The following DEXI variants were observed in gnomAD, a reference collection of about 807,000 sequenced individuals.
DEXI encodes Dexi homolog.
Under a neutral mutation model 2.5 loss-of-function variants are expected in DEXI, and 2 were observed. The observed-to-expected ratio is 0.81, with a 90% CI of 0.33 to 2.55. The LOEUF (loss-of-function observed/expected upper bound fraction) is 2.55. DEXI is among the 30% of genes most tolerant of loss of function. The pLI, the probability that DEXI is intolerant of heterozygous loss-of-function variation, is 0.11. For synonymous variants in DEXI, 71 were observed against 68.7 expected, an observed-to-expected ratio of 1.03 and a Z score of -0.17; for missense variants, 108 against 130.3, an observed-to-expected ratio of 0.83 and a Z score of 0.83.
chr16:10,929,192 C>T lies in DEXI; in HGVS notation c.*517G>A. 2.0e-6 allele frequency: 2 copies of T among 985,368 alleles called. No individual in the cohort carries two copies. Among genetic ancestry groups the T allele is most frequent in the Non-Finnish European group, 2.4e-6 (2 of 829,554 alleles). 61.0% of individuals were successfully genotyped at this position (985,368 alleles called of 1,614,324 possible). ...TCTAAGACCAGCCTCGGGCTAAACC[C>T]AGCTGGCCTGAAGGCTCAACTCACA... On this transcript the variant is annotated 3_prime_UTR_variant, in exon 2 of 2. Coordinates refer to ENST00000331808, the MANE Select transcript of DEXI (RefSeq NM_014015.4). This position sits in a 1 kb window ranked among gnomAD's most constrained non-coding sequence, Gnocchi z 4.3.
chr16:10,941,924 T>C lies in DEXI; in HGVS notation c.82A>G (p.Met28Val), dbSNP rs767543213. Residue 28 changes from methionine (M) to valine (V), a missense_variant, in exon 1 of 2, where the codon ATG becomes GTG. Physicochemically the swap from Met to Val is conservative, Grantham distance 21. Transcript: ENST00000331808. This position sits in a 1 kb window ranked among gnomAD's most constrained non-coding sequence, Gnocchi z 6.4. ...ACGAAGAACAGGCCCACGTAGAACA[T>C]AGAGGGCAGCAGCGGCGGCGGCACG... Reference protein sequence around the residue: ...PYVPPPLLPSMFYVGLFFVNV... With the variant: ...PYVPPPLLPSVFYVGLFFVNV... 6.9e-6 allele frequency: 11 copies of C among 1,601,402 alleles called. No homozygotes were observed. Among genetic ancestry groups the C allele is most frequent in the East Asian group, 2.2e-5 (1 of 44,526 alleles).
intron 1 of DEXI, chr16:10,931,306 CA>C (rs1439925114): frequency 3.9e-5 from 6 of 152,392 alleles, no homozygotes; most frequent in Middle Eastern, 3.3e-3. Context: ...GACCCTGTCT[CA>C]AAAAAAAGAG....
chr16:10,942,165 C>T lies in DEXI; in HGVS notation c.-160G>A. On this transcript the variant is annotated 5_prime_UTR_variant, in exon 1 of 2. Transcript: ENST00000331808. This position sits in a 1 kb window ranked among gnomAD's most constrained non-coding sequence, Gnocchi z 5.0. ...ATGTCCCCTGGCAATTGCGCCCCGA[C>T]CCCCGAAATGCGCCGGGCGGGTCAC... 1.8e-6 allele frequency: 1 copy of T among 549,020 alleles called. No homozygotes were observed. The allele number at this position is 549,020 out of a possible 1,614,324, so 34.0% of individuals were successfully genotyped here.
rs113555654 is a variant in DEXI at position 10,938,068 on chromosome 16, C to T, written c.*149+3501G>A. ...AAGGGCATGGGTATAACACGCTTTC[C>T]ATTGTATCCGACTATGAATATGAGT... On this transcript the variant is annotated intron_variant, in intron 1 of 1. Coordinates refer to ENST00000331808, the MANE Select transcript of DEXI (RefSeq NM_014015.4). This position sits in a 1 kb window ranked among gnomAD's most constrained non-coding sequence, Gnocchi z 4.9. The T allele has an allele frequency of 1.7e-3, 255 of 152,356 alleles. 3 individuals carry two copies. The highest frequency in any genetic ancestry group is 5.8e-3 in the African/African-American group (242 of 41,576). The allele number at this position is 152,356 out of a possible 1,614,324, so 9.4% of individuals were successfully genotyped here. A position where few individuals can be genotyped will look rare whatever the true frequency, so the allele number is the denominator to read the frequency against.
At position 10,934,305 on chromosome 16, in the gene DEXI, T is replaced by A. The variant is rs2040930991; in HGVS notation, c.*150-4746A>T. The A allele has an allele frequency of 6.6e-6, 1 of 152,220 alleles. No individual in the cohort carries two copies. Among genetic ancestry groups the A allele is most frequent in the Non-Finnish European group, 1.5e-5 (1 of 68,050 alleles). 9.4% of individuals were successfully genotyped at this position (152,220 alleles called of 1,614,324 possible). On this transcript the variant is annotated intron_variant, in intron 1 of 1. Coordinates refer to ENST00000331808, the MANE Select transcript of DEXI (RefSeq NM_014015.4). The surrounding 1 kb of genome is among the most constrained non-coding windows in gnomAD (Gnocchi z 4.2). ...TAATAAGATCATTTATGTCACCATA[T>A]AACACCCAAAGCAGTAGAATTTGTC... is the stretch of plus-strand genomic sequence containing the variant.
In DEXI at chr16:10,929,274, G is replaced by C. The variant is rs932037058; in HGVS notation, c.*435C>G. On this transcript the variant is annotated 3_prime_UTR_variant, in exon 2 of 2. Transcript: ENST00000331808. The surrounding 1 kb of genome is among the most constrained non-coding windows in gnomAD (Gnocchi z 4.3). ...GTCCGCAGTTTGAAGTGTCCTCTCC[G>C]AAGGTGAAGTGGGGGAAGCAGGTGC... is the stretch of plus-strand genomic sequence containing the variant. 60 of 985,820 alleles carry C rather than the reference G, an allele frequency of 6.1e-5. No homozygotes were observed. The highest frequency in any genetic ancestry group is 5.2e-4 in the Middle Eastern group (1 of 1,936). 61.1% of individuals were successfully genotyped at this position (985,820 alleles called of 1,614,324 possible). A position where few individuals can be genotyped will look rare whatever the true frequency, so the allele number is the denominator to read the frequency against.
chr16:10,941,800 T>A lies in DEXI; in HGVS notation c.206A>T (p.Asp69Val), dbSNP rs374035200. The change falls in exon 1 of 2, where the codon GAC becomes GTC. Residue 69 changes from aspartate (D) to valine (V), a missense_variant. Asp to Val is a radical substitution (Grantham distance 152). Transcript: ENST00000331808. The surrounding 1 kb of genome is among the most constrained non-coding windows in gnomAD (Gnocchi z 6.4). ...LPEDMDQALVDLGVLSDPGSG... is the reference protein window; with the variant it reads ...LPEDMDQALVVLGVLSDPGSG... Reference sequence around the variant, plus strand: ...GCCGGGGTCGGAGAGCACGCCGAGGTCCACGAGCGCCTGGTCCATGTCCTC... The same window carrying A: ...GCCGGGGTCGGAGAGCACGCCGAGGACCACGAGCGCCTGGTCCATGTCCTC... The A allele has an allele frequency of 2.5e-6, 4 of 1,613,112 alleles. No homozygotes were observed. The East Asian group carries it at 6.7e-5, about 27-fold the overall frequency.
Position 10,941,952 on chromosome 16 carries a change from G to C in DEXI, c.54C>G (p.Pro18=). The C allele has an allele frequency of 1.3e-6, 2 of 1,570,224 alleles. No individual in the cohort carries two copies. The highest frequency in any genetic ancestry group is 2.3e-5 in the East Asian group (1 of 42,640). ...AHLDALGPLV[P]YVPPPLLPSM... ...AGGGCAGCAGCGGCGGCGGCACGTA[G>C]GGGACCAGGGGGCCCAGTGCGTCCA... The change falls in exon 1 of 2, where the codon CCC becomes CCG. Residue 18 remains proline (P), a synonymous_variant. Transcript: ENST00000331808. The surrounding 1 kb of genome is among the most constrained non-coding windows in gnomAD (Gnocchi z 6.4).
At position 10,939,081 on chromosome 16, in the gene DEXI, G is replaced by C. The variant is rs1023500066; in HGVS notation, c.*149+2488C>G. 1 of 152,182 alleles carries C rather than the reference G, an allele frequency of 6.6e-6. No homozygotes were observed. Among genetic ancestry groups the C allele is most frequent in the Non-Finnish European group, 1.5e-5 (1 of 68,010 alleles). The allele number at this position is 152,182 out of a possible 1,614,324, so 9.4% of individuals were successfully genotyped here. A position where few individuals can be genotyped will look rare whatever the true frequency, so the allele number is the denominator to read the frequency against. ...AGAGCAGGCAGGGTCAAAGTCTGTT[G>C]AATGAGTGAGTGCATATGCAAAGGG... On this transcript the variant is annotated intron_variant, in intron 1 of 1. Coordinates refer to ENST00000331808, the MANE Select transcript of DEXI (RefSeq NM_014015.4). This position sits in a 1 kb window ranked among gnomAD's most constrained non-coding sequence, Gnocchi z 4.9.
Position 10,941,926 on chromosome 16 carries a change from G to A in DEXI, c.80C>T (p.Ser27Phe). ...VPYVPPPLLP[S>F]MFYVGLFFVN... Reference sequence around the variant, plus strand: ...GAAGAACAGGCCCACGTAGAACATAGAGGGCAGCAGCGGCGGCGGCACGTA... The same window carrying A: ...GAAGAACAGGCCCACGTAGAACATAAAGGGCAGCAGCGGCGGCGGCACGTA... The change falls in exon 1 of 2, where the codon TCT (serine) becomes TTT (phenylalanine). Residue 27 changes from serine to phenylalanine, a missense_variant. Physicochemically the swap from Ser to Phe is radical, Grantham distance 155 (BLOSUM62 -2). Transcript: ENST00000331808. The surrounding 1 kb of genome is among the most constrained non-coding windows in gnomAD (Gnocchi z 6.4). 1.3e-6 allele frequency: 2 copies of A among 1,599,320 alleles called. No individual in the cohort carries two copies. Among genetic ancestry groups the A allele is most frequent in the African/African-American group, 1.3e-5 (1 of 74,796 alleles).
At chr16:10,936,210 G>T (rs138822371) in intron 1 of DEXI, 50 of 151,984 alleles carry the variant, frequency 3.3e-4, no homozygotes, top group African/African-American at 1.1e-3. Context: ...TGCCCAGGCT[G>T]GTTTCAAACT....
intron 1 of DEXI, chr16:10,931,897 A>C (rs930190868): frequency 1.3e-5 from 2 of 152,234 alleles, no homozygotes; most frequent in African/African-American, 4.8e-5. Flanking sequence ...TCTCAAAAAA[A>C]CACAAAAGTT....
In DEXI at chr16:10,934,717, T is replaced by C. The variant is rs1416272028; in HGVS notation, c.*150-5158A>G. 6.6e-6 allele frequency: 1 copy of C among 152,216 alleles called. No individual in the cohort carries two copies. Among genetic ancestry groups the C allele is most frequent in the African/African-American group, 2.4e-5 (1 of 41,438 alleles). 9.4% of individuals were successfully genotyped at this position (152,216 alleles called of 1,614,324 possible). On this transcript the variant is annotated intron_variant, in intron 1 of 1. Coordinates refer to ENST00000331808, the MANE Select transcript of DEXI (RefSeq NM_014015.4). The surrounding 1 kb of genome is among the most constrained non-coding windows in gnomAD (Gnocchi z 4.2). ...GATGGAGATGTGGGAGAGGCAGTTA[T>C]TTTTAACCACCCAGCCAAGCCCCTT...
chr16:10,941,963 G>A lies in DEXI; in HGVS notation c.43C>T (p.Pro15Ser). Residue 15 changes from proline to serine, a missense_variant, in exon 1 of 2, where the codon CCC becomes TCC. Coordinates refer to ENST00000331808, the MANE Select transcript of DEXI (RefSeq NM_014015.4). The surrounding 1 kb of genome is among the most constrained non-coding windows in gnomAD (Gnocchi z 6.4). ...GGCGGCGGCACGTAGGGGACCAGGG[G>A]GCCCAGTGCGTCCAGGTGGGCCGCG... ...RVAAHLDALG[P>S]LVPYVPPPLL... is the part of the protein sequence containing the mutation. 1 of 1,560,620 alleles carries A rather than the reference G, an allele frequency of 6.4e-7. No homozygotes were observed. The highest frequency in any genetic ancestry group is 8.7e-7 in the Non-Finnish European group (1 of 1,153,820).
At chr16:10,933,247 G>T (rs1222211732) in intron 1 of DEXI, 2 of 152,310 alleles carry the variant, frequency 1.3e-5, no homozygotes, top group African/African-American at 4.8e-5. Flanking sequence ...ACAGTTGGGT[G>T]CTAGATCCCC....
chr16:10,938,643 C>T lies in DEXI; in HGVS notation c.*149+2926G>A, dbSNP rs899816522. ...CCTGCTGCTAGCTACCCCTCTCATA[C>T]CCTGGGGTTCTGAGCTTCCTCGGCA... is the stretch of plus-strand genomic sequence containing the variant. On this transcript the variant is annotated intron_variant, in intron 1 of 1. Coordinates refer to ENST00000331808, the MANE Select transcript of DEXI (RefSeq NM_014015.4). This position sits in a 1 kb window ranked among gnomAD's most constrained non-coding sequence, Gnocchi z 4.9. 1 of 152,218 alleles carries T rather than the reference C, an allele frequency of 6.6e-6. No individual in the cohort carries two copies. The highest frequency in any genetic ancestry group is 1.9e-4 in the East Asian group (1 of 5,182). The allele number at this position is 152,218 out of a possible 1,614,324, so 9.4% of individuals were successfully genotyped here. A position where few individuals can be genotyped will look rare whatever the true frequency, so the allele number is the denominator to read the frequency against.
Position 10,938,234 on chromosome 16 carries a change from G to C in DEXI, c.*149+3335C>G, listed in dbSNP as rs1297138624. 1 of 152,148 alleles carries C rather than the reference G, an allele frequency of 6.6e-6. No individual in the cohort carries two copies. 9.4% of individuals were successfully genotyped at this position (152,148 alleles called of 1,614,324 possible). On this transcript the variant is annotated intron_variant, in intron 1 of 1. Coordinates refer to ENST00000331808, the MANE Select transcript of DEXI (RefSeq NM_014015.4). The surrounding 1 kb of genome is among the most constrained non-coding windows in gnomAD (Gnocchi z 4.9). ...AACCAAAGTACAGGGAGGTTAAGCA[G>C]CATGCCCAAGGTCACAGCTACCCTG...
chr16:10,940,222 A>G lies in DEXI; in HGVS notation c.*149+1347T>C, dbSNP rs189007001. 1 of 152,184 alleles carries G rather than the reference A, an allele frequency of 6.6e-6. No homozygotes were observed. Among genetic ancestry groups the G allele is most frequent in the Non-Finnish European group, 1.5e-5 (1 of 68,062 alleles). 9.4% of individuals were successfully genotyped at this position (152,184 alleles called of 1,614,324 possible). A position where few individuals can be genotyped will look rare whatever the true frequency, so the allele number is the denominator to read the frequency against. On this transcript the variant is annotated intron_variant, in intron 1 of 1. Transcript: ENST00000331808. The surrounding 1 kb of genome is among the most constrained non-coding windows in gnomAD (Gnocchi z 4.2). Reference sequence around the variant, plus strand: ...TTCATATGTTGAAACTCTGATCCCAAATGATGGTATTGCGGGGTGCGGCCT... The same window carrying G: ...TTCATATGTTGAAACTCTGATCCCAGATGATGGTATTGCGGGGTGCGGCCT...
rs916513325 is a variant in DEXI, at chr16:10,937,131, A to C, written c.*149+4438T>G. On this transcript the variant is annotated intron_variant, in intron 1 of 1. Transcript: ENST00000331808. This position sits in a 1 kb window ranked among gnomAD's most constrained non-coding sequence, Gnocchi z 4.2. ...GGGGTTTTCTCCTGTCTGAAGACGCAGCTGGCACCAATGTACCCTATGGCC... is the reference window on the plus strand; with the variant it reads ...GGGGTTTTCTCCTGTCTGAAGACGCCGCTGGCACCAATGTACCCTATGGCC... The C allele has an allele frequency of 2.6e-5, 4 of 152,292 alleles. No homozygotes were observed. The highest frequency in any genetic ancestry group is 5.9e-5 in the Non-Finnish European group (4 of 68,110). The allele number at this position is 152,292 out of a possible 1,614,324, so 9.4% of individuals were successfully genotyped here.
Sources: gnomAD v4.1 joint callset for allele counts on GRCh38, gnomAD v4.1.1 for gene constraint, Gnocchi (gnomAD v3.1) non-coding constraint, MANE v1.5 for transcripts, NCBI Gene and HGNC (gene_info 2026-07-23, HGNC 2026-07-21) for gene names.